Variants in POC5 observed in about 807,000 individuals in gnomAD.
The protein encoded by POC5 is centrosomal protein POC5.
Under a neutral mutation model 62.9 loss-of-function variants are expected in POC5, and 48 were observed. The ratio of observed to expected loss-of-function variants is 0.76; its 90% confidence interval spans 0.61 to 0.97. POC5 has a LOEUF of 0.97. Ranked by LOEUF, POC5 falls within the 50% of genes least tolerant of loss-of-function variation. POC5 has a pLI of 0.00. For synonymous variants in POC5, 236 were observed against 228.2 expected (o/e 1.03, Z -0.31); for missense variants, 696 against 679.5 (o/e 1.02, Z -0.27).
At chr5:75,708,698 T>C (rs1777222067) in intron 2 of POC5, among the ~76,000 whole-genome samples, 1 of 152,250 alleles carries the variant, frequency 6.6e-6, no homozygotes, top group South Asian at 2.1e-4. Context: ...CTTTTTTATA[T>C]CGGAATTTTA....
chr5:75,695,476 G>C (rs1383437260), intron 5 of POC5, among the ~76,000 whole-genome samples: 1 of 152,064 alleles, frequency 6.6e-6, no homozygotes, highest in African/African-American at 2.4e-5. Context: ...TTCCAAGGGG[G>C]GAAAATGGTA....
chr5:75,689,727 T>G, intron 8 of POC5: 1 of 937,562 alleles, frequency 1.1e-6, no homozygotes, highest in African/African-American at 1.8e-5. Flanking sequence ...TCTTAACAAT[T>G]TAATGCTGTA....
In POC5 at chr5:75,689,410, T is replaced by C. The variant is rs976590743; in HGVS notation, c.976-245A>G. Reference sequence around the variant, plus strand: ...ACAAGGGGAATTTTATCCAGTCCCATTGAATATTGCTGATGTATTTTCATT... The same window carrying C: ...ACAAGGGGAATTTTATCCAGTCCCACTGAATATTGCTGATGTATTTTCATT... On this transcript the variant is annotated intron_variant, in intron 8 of 11. Transcript: ENST00000428202. The C allele has an allele frequency of 9.1e-6, 9 of 985,204 alleles. No individual in the cohort carries two copies. The African/African-American group carries it at 1.0e-4, about 11-fold the overall frequency. The allele number at this position is 985,204 out of a possible 1,614,324, so 61.0% of individuals were successfully genotyped here.
At chr5:75,696,691 C>A (rs542514478) in intron 5 of POC5, among the ~76,000 whole-genome samples, 2 of 152,164 alleles carry the variant, frequency 1.3e-5, no homozygotes, top group Admixed American at 1.3e-4. Flanking sequence ...TCACCAGCAA[C>A]GGAACAAAGC....
chr5:75,716,602 C>G (rs940605822), intron 1 of POC5, among the ~76,000 whole-genome samples: 2 of 152,128 alleles, frequency 1.3e-5, no homozygotes, highest in Non-Finnish European at 2.9e-5. Flanking sequence ...GGTTCAGAAA[C>G]AAAGGAGAAA....
At chr5:75,684,629 C>T (rs1235734086) in intron 10 of POC5, among the ~76,000 whole-genome samples, 1 of 152,100 alleles carries the variant, frequency 6.6e-6, no homozygotes, top group Non-Finnish European at 1.5e-5. Flanking sequence ...TCCCAGAGTG[C>T]TGGGATTACA....
intron 11 of POC5, among the ~76,000 whole-genome samples, chr5:75,674,932 G>A (rs1054709795): frequency 6.6e-6 from 1 of 152,200 alleles, no homozygotes; most frequent in African/African-American, 2.4e-5. Context: ...AGAGGGGTCA[G>A]CCCTGAGTCC....
At chr5:75,697,493 G>C (rs1470580034) in intron 5 of POC5, among the ~76,000 whole-genome samples, 1 of 152,066 alleles carries the variant, frequency 6.6e-6, no homozygotes, top group Non-Finnish European at 1.5e-5. Flanking sequence ...ATACTTTACA[G>C]ACAAGCAAAG....
intron 1 of POC5, among the ~76,000 whole-genome samples, chr5:75,716,388 G>GT (rs1335661495): frequency 3.9e-5 from 4 of 101,728 alleles, no homozygotes; most frequent in African/African-American, 1.4e-4. Context: ...AGGGGTGGGG[G>GT]GGGGGGGGTG....
intron 10 of POC5, among the ~76,000 whole-genome samples, chr5:75,679,107 C>G (rs562156643): frequency 6.6e-6 from 1 of 152,182 alleles, no homozygotes; most frequent in African/African-American, 2.4e-5. Flanking sequence ...AGAGTGTAAA[C>G]GATTTCCCCA....
chr5:75,685,490 A>G lies in POC5; in HGVS notation c.1130-6T>C. On this transcript the variant is annotated splice_polypyrimidine_tract_variant and splice_region_variant and intron_variant, in intron 9 of 11. Coordinates refer to ENST00000428202, the MANE Select transcript of POC5 (RefSeq NM_001099271.2). ...ATTATTTGTGGAGTCTATCCCTATAAATCACAAATTAATTCCATTCAAATT... is the reference window on the plus strand; with the variant it reads ...ATTATTTGTGGAGTCTATCCCTATAGATCACAAATTAATTCCATTCAAATT... The G allele has an allele frequency of 6.2e-7, 1 of 1,601,046 alleles. No individual in the cohort carries two copies. Among genetic ancestry groups the G allele is most frequent in the Non-Finnish European group, 8.5e-7 (1 of 1,169,712 alleles).
chr5:75,706,736 A>C (rs1346569542), intron 3 of POC5, among the ~76,000 whole-genome samples: 7 of 152,066 alleles, frequency 4.6e-5, no homozygotes, highest in Admixed American at 3.3e-4. Context: ...TTTTTTGTAG[A>C]GCTAGGGTTT....
chr5:75,702,853 T>C, intron 4 of POC5, 43 bp from the exon 5 acceptor site: 1 of 1,443,680 alleles, frequency 6.9e-7, no homozygotes, highest in Admixed American at 2.0e-5. Flanking sequence ...AAATTGAAAA[T>C]AACTCAAGTT....
intron 9 of POC5, among the ~76,000 whole-genome samples, chr5:75,687,734 C>A (rs1341494926): frequency 6.6e-6 from 1 of 152,142 alleles, no homozygotes; most frequent in Non-Finnish European, 1.5e-5. Flanking sequence ...TTATAAGAAA[C>A]AGGTTTCTTG....
chr5:75,678,552 A>G (rs1357600113), intron 10 of POC5, among the ~76,000 whole-genome samples: 1 of 152,158 alleles, frequency 6.6e-6, no homozygotes, highest in Non-Finnish European at 1.5e-5. Context: ...AATTAATATT[A>G]TCATTACACA....
At position 75,702,755 on chromosome 5, in the gene POC5, G is replaced by GA. The variant is rs1418341517; in HGVS notation, c.362dup (p.Ser122GlnfsTer7). On this transcript the variant is annotated frameshift_variant, in exon 5 of 12. Transcript: ENST00000428202. LOFTEE classifies it high-confidence loss of function. ...AAGAGTCAGCTAAAAGATGTGAACTGAAAAAATCCATGACTGGGTGAGAAG... is the reference window on the plus strand; with the variant it reads ...AAGAGTCAGCTAAAAGATGTGAACTGAAAAAAATCCATGACTGGGTGAGAAG... 2 of 1,598,620 alleles carry GA rather than the reference G, an allele frequency of 1.3e-6. No individual in the cohort carries two copies. Among genetic ancestry groups the GA allele is most frequent in the Non-Finnish European group, 1.7e-6 (2 of 1,171,934 alleles).
rs1287955763 is a variant in POC5, at chr5:75,700,503, A to G, written c.513+2102T>C. On this transcript the variant is annotated intron_variant, in intron 5 of 11. Transcript: ENST00000428202. ...CTATTTAATAAATGGTGCTGGGAAA[A>G]CTGGCTAGCCATATGTAGAAAGCTG... 6.3e-4 allele frequency among the ~76,000 whole-genome samples: 96 copies of G among 151,552 alleles called. 1 individual carries two copies. The highest frequency in any genetic ancestry group is 1.1e-3 in the Non-Finnish European group (76 of 67,700).
intron 7 of POC5, among the ~76,000 whole-genome samples, 180 bp from the exon 8 acceptor site, chr5:75,690,742 T>C (rs1035991079): frequency 2.0e-5 from 3 of 152,190 alleles, no homozygotes; most frequent in African/African-American, 7.2e-5. Context: ...AGCTACGTAG[T>C]TCACATAAGT....
chr5:75,697,043 T>G (rs1044959020), intron 5 of POC5, among the ~76,000 whole-genome samples: 1 of 151,936 alleles, frequency 6.6e-6, no homozygotes, highest in Admixed American at 6.6e-5. Context: ...CTCCAAGAAA[T>G]ATGGGACTAC....
Sources: gnomAD v4.1 joint callset for allele counts (sites outside exome capture counted in the v4.1 genomes callset) on GRCh38, gnomAD v4.1.1 for gene constraint, MANE v1.5 for transcripts, NCBI Gene and HGNC (gene_info 2026-07-23, HGNC 2026-07-21) for gene names.